GRM8: variants seen among roughly 807,000 people sequenced by gnomAD.
GRM8 encodes the protein metabotropic glutamate receptor 8.
A neutral mutation model predicts 87.2 loss-of-function variants in GRM8; 47 were observed. The ratio of observed to expected loss-of-function variants is 0.54; its 90% CI spans 0.43 to 0.69. The LOEUF (loss-of-function observed/expected upper bound fraction) is 0.69, where lower values mean the gene tolerates loss of function less well. Among genes scored for constraint, GRM8 ranks in the 30% least tolerant of loss-of-function variants. The pLI, the probability that GRM8 is intolerant of heterozygous loss-of-function variation, is 0.00. For missense variants in GRM8, 1,019 were observed against 1,139.2 expected, an observed-to-expected ratio of 0.89 and a Z score of 1.52; for synonymous variants, 396 against 404.5, an observed-to-expected ratio of 0.98 and a Z score of 0.25.
chr7:127,251,230 G>C (rs983572054), intron 1 of GRM8: 2 of 152,246 alleles, frequency 1.3e-5, no homozygotes, highest in African/African-American at 4.8e-5. Context: ...CACGGGGGAA[G>C]TAATTCCCCA....
chr7:126,739,776 A>T (rs1475407891), intron 7 of GRM8, among the ~76,000 whole-genome samples: 1 of 152,104 alleles, frequency 6.6e-6, no homozygotes, highest in Non-Finnish European at 1.5e-5. Flanking sequence ...CAGACTACAT[A>T]TACATAATAC....
At chr7:126,990,760 T>C (rs1436982734) in intron 3 of GRM8, among the ~76,000 whole-genome samples, 2 of 152,184 alleles carry the variant, frequency 1.3e-5, no homozygotes, top group Admixed American at 6.5e-5. Context: ...TTGTGAAAAA[T>C]ATAAAATAAT....
At chr7:127,056,727 T>C (rs10487465) in intron 3 of GRM8, among the ~76,000 whole-genome samples, 12,137 of 152,276 alleles carry the variant, frequency 0.08, 523 homozygotes, top group South Asian at 0.13. Context: ...TGTAAACCAA[T>C]GATAATTCAC....
chr7:127,235,178 C>G (rs1797911865), intron 2 of GRM8, among the ~76,000 whole-genome samples: 1 of 152,178 alleles, frequency 6.6e-6, no homozygotes, highest in Non-Finnish European at 1.5e-5. Context: ...GCATTTATCA[C>G]TAAAAGCACG....
At chr7:127,094,537 G>T (rs573743494) in intron 3 of GRM8, among the ~76,000 whole-genome samples, 2 of 152,294 alleles carry the variant, frequency 1.3e-5, no homozygotes, top group East Asian at 1.9e-4. Flanking sequence ...GCTTCTACTT[G>T]CCAAGGAATG....
intron 9 of GRM8, among the ~76,000 whole-genome samples, chr7:126,506,175 C>A (rs1810434595): frequency 6.6e-6 from 1 of 152,000 alleles, no homozygotes; most frequent in Non-Finnish European, 1.5e-5. Flanking sequence ...GGCTTTTCTT[C>A]TTTTTTAAGG....
intron 3 of GRM8, among the ~76,000 whole-genome samples, chr7:127,053,103 A>C (rs11563769): frequency 0.08 from 12,145 of 152,252 alleles, 526 homozygotes; most frequent in South Asian, 0.13. Context: ...CCATATCACA[A>C]GCTTGAGGGT....
At chr7:126,658,368 G>A (rs1216858912) in intron 7 of GRM8, among the ~76,000 whole-genome samples, 1 of 152,140 alleles carries the variant, frequency 6.6e-6, no homozygotes, top group Non-Finnish European at 1.5e-5. Flanking sequence ...TATACTTGAG[G>A]GAGAAAGCAA....
chr7:126,786,659 G>T lies in GRM8; in HGVS notation c.1157-16594C>A, dbSNP rs1321341249. 3.9e-5 allele frequency among the ~76,000 whole-genome samples: 6 copies of T among 151,982 alleles called. No individual in the cohort carries two copies. The East Asian group carries it at 1.2e-3, about 29-fold the overall frequency. ...ACAGGCCACCTCATGGCATCCCCTT[G>T]TCCTTTATTTTTAGTACAATTCTAT... is the stretch of plus-strand genomic sequence containing the variant. On this transcript the variant is annotated intron_variant, in intron 6 of 10. Transcript: ENST00000339582.
chr7:126,539,003 A>C (rs535104628), intron 8 of GRM8, among the ~76,000 whole-genome samples: 1 of 152,028 alleles, frequency 6.6e-6, no homozygotes, highest in Non-Finnish European at 1.5e-5. Context: ...CACAAAGAAA[A>C]CAATATTTAT....
intron 9 of GRM8, among the ~76,000 whole-genome samples, chr7:126,491,544 C>T (rs1158295300): frequency 6.6e-6 from 1 of 151,980 alleles, no homozygotes; most frequent in Non-Finnish European, 1.5e-5. Context: ...CAGAACTTAA[C>T]AAATTTTACA....
intron 6 of GRM8, among the ~76,000 whole-genome samples, chr7:126,804,401 T>A (rs1052729988): frequency 6.6e-5 from 10 of 152,234 alleles, no homozygotes; most frequent in African/African-American, 1.9e-4. Context: ...ATTGTCTCAT[T>A]CCTTTGTTTA....
intron 8 of GRM8, among the ~76,000 whole-genome samples, chr7:126,583,568 T>C (rs1164897822): frequency 6.6e-6 from 1 of 152,114 alleles, no homozygotes; most frequent in Non-Finnish European, 1.5e-5. Context: ...TAACAAGAGT[T>C]TGGAAGAAGT....
At chr7:126,616,638 T>C (rs1412204909) in intron 7 of GRM8, among the ~76,000 whole-genome samples, 4 of 151,448 alleles carry the variant, frequency 2.6e-5, no homozygotes, top group Non-Finnish European at 4.4e-5. Context: ...GCAAGACTAA[T>C]AAAGAAGAAA....
intron 10 of GRM8, among the ~76,000 whole-genome samples, chr7:126,441,040 A>C (rs1801417618): frequency 6.6e-6 from 1 of 152,084 alleles, no homozygotes; most frequent in African/African-American, 2.4e-5. Flanking sequence ...AAATATAAAA[A>C]ATATTTTTTA....
At chr7:126,565,568 C>A (rs1313551825) in intron 8 of GRM8, among the ~76,000 whole-genome samples, 1 of 151,990 alleles carries the variant, frequency 6.6e-6, no homozygotes. Context: ...GAAAGACATC[C>A]TGTATTTATG....
chr7:127,197,067 C>T lies in GRM8; in HGVS notation c.510+45628G>A, dbSNP rs551852223. Among the ~76,000 whole-genome samples, 6 of 152,172 alleles carry T rather than the reference C, an allele frequency of 3.9e-5. No individual in the cohort carries two copies. The South Asian group carries it at 1.0e-3, about 26-fold the overall frequency. ...ATGGTACAAACGCTCTAACTATTAG[C>T]TATATATTTTTATTGTAATTCTGAA... is the stretch of plus-strand genomic sequence containing the variant. On this transcript the variant is annotated intron_variant, in intron 2 of 10. Transcript: ENST00000339582.
intron 3 of GRM8, among the ~76,000 whole-genome samples, 197 bp from the exon 4 acceptor site, chr7:126,904,880 A>G (rs575224849): frequency 6.6e-6 from 1 of 152,362 alleles, no homozygotes; most frequent in East Asian, 1.9e-4. Context: ...ATTATTAATC[A>G]GACATGGGTT....
chr7:127,207,596 T>A (rs1795985442), intron 2 of GRM8, among the ~76,000 whole-genome samples: 1 of 152,152 alleles, frequency 6.6e-6, no homozygotes, highest in South Asian at 2.1e-4. Context: ...ATTCCATAGA[T>A]GATGAGAACT....
Sources: allele counts gnomAD v4.1 joint callset (sites outside exome capture counted in the v4.1 genomes callset), GRCh38; gene constraint gnomAD v4.1.1; transcripts MANE v1.5; gene names NCBI Gene and HGNC (gene_info 2026-07-23, HGNC 2026-07-21).